The following DOCK8 variants were observed in gnomAD, a reference collection of about 807,000 sequenced individuals.
DOCK8 encodes the protein dedicator of cytokinesis protein 8.
Under a neutral mutation model 245.6 loss-of-function variants are expected in DOCK8, and 141 were observed. The observed-to-expected ratio is 0.57, with a 90% CI of 0.50 to 0.66. The LOEUF is 0.66. Among genes scored for constraint, DOCK8 ranks in the 30% least tolerant of loss-of-function variants. DOCK8 has a pLI of 0.00. For synonymous variants in DOCK8, 1,168 were observed against 970.2 expected (o/e 1.20, Z -3.79); for missense variants, 2,965 against 2,603.4 (o/e 1.14, Z -3.02).
chr9:458,192 T>C (rs2057700505), intron 46 of DOCK8: 1 of 152,278 alleles, frequency 6.6e-6, no homozygotes, highest in South Asian at 2.1e-4. Context: ...CTGGTTCTTT[T>C]CCAATCCTTT....
At chr9:422,235 T>G in intron 33 of DOCK8, 100 bp downstream of exon 33, 2 of 989,548 alleles carry the variant, frequency 2.0e-6, no homozygotes, top group Non-Finnish European at 1.6e-6. Context: ...TTCCAAGGGT[T>G]AGAAAATGAA....
chr9:433,742 C>T (rs2056798948), intron 37 of DOCK8, 133 bp from the exon 38 acceptor site: 4 of 748,776 alleles, frequency 5.3e-6, no homozygotes, highest in Non-Finnish European at 9.5e-6. Context: ...GTCTAGATGA[C>T]TCCGCCATCC....
At chr9:400,058 C>G (rs1276040222) in intron 26 of DOCK8, among the ~76,000 whole-genome samples, 4 of 108,676 alleles carry the variant, frequency 3.7e-5, no homozygotes, top group South Asian at 3.1e-4. Flanking sequence ...ACCATCACCA[C>G]CTCCTTCACC....
At chr9:339,561 C>A (rs928491307) in intron 13 of DOCK8, among the ~76,000 whole-genome samples, 1 of 152,170 alleles carries the variant, frequency 6.6e-6, no homozygotes, top group African/African-American at 2.4e-5. Flanking sequence ...TGTCACCAGG[C>A]TGGAGTGCAG....
chr9:323,376 A>G (rs2050610893), intron 7 of DOCK8, among the ~76,000 whole-genome samples: 1 of 151,706 alleles, frequency 6.6e-6, no homozygotes. Context: ...GGCACTTGCC[A>G]CCACGCTCGG....
At chr9:215,609 AT>A in intron 1 of DOCK8, 1 of 573,412 alleles carries the variant, frequency 1.7e-6, no homozygotes, top group Non-Finnish European at 2.7e-6. Flanking sequence ...GGAAAAAGTG[AT>A]TTTTTAAAAA....
chr9:232,309 T>G (rs967434274), intron 1 of DOCK8, among the ~76,000 whole-genome samples: 13 of 152,220 alleles, frequency 8.5e-5, no homozygotes, highest in Non-Finnish European at 1.8e-4. Flanking sequence ...AGTATTTTAT[T>G]GAGTATTTTT....
chr9:319,849 T>C, intron 7 of DOCK8, among the ~76,000 whole-genome samples: 1 of 152,250 alleles, frequency 6.6e-6, no homozygotes, highest in African/African-American at 2.4e-5. Flanking sequence ...AGAAATATTT[T>C]AAGATTTAAT....
At chr9:308,021 A>G (rs1195702176) in intron 5 of DOCK8, among the ~76,000 whole-genome samples, 1 of 152,200 alleles carries the variant, frequency 6.6e-6, no homozygotes, top group African/African-American at 2.4e-5. Context: ...TCATAGAAGT[A>G]GAGGGTAGAA....
intron 1 of DOCK8, among the ~76,000 whole-genome samples, chr9:238,544 C>T (rs1040868954): frequency 5.3e-5 from 8 of 152,202 alleles, no homozygotes; most frequent in Non-Finnish European, 1.2e-4. Flanking sequence ...GATTTCAGCT[C>T]ATTTACAAGC....
At chr9:314,791 C>T (rs939781424) in intron 6 of DOCK8, among the ~76,000 whole-genome samples, 13 of 147,256 alleles carry the variant, frequency 8.8e-5, no homozygotes, top group African/African-American at 2.1e-4. Flanking sequence ...CTGGTTTTTT[C>T]GATGACACAA....
In DOCK8 at chr9:258,084, A is replaced by G. The variant is rs139436934; in HGVS notation, c.54-13543A>G. Among the ~76,000 whole-genome samples, 676 of 146,140 alleles carry G rather than the reference A, an allele frequency of 4.6e-3. 5 individuals are homozygous for G. The highest frequency in any genetic ancestry group is 0.016 in the African/African-American group (648 of 39,892). On this transcript the variant is annotated intron_variant, in intron 1 of 47. Coordinates refer to ENST00000432829, the MANE Select transcript of DOCK8 (RefSeq NM_203447.4). ...CAAACAAAAACTTTCTCTCTCAGCC[A>G]CCTCCATAAGTTCCATAGTTTATTT...
At chr9:387,635 A>T (rs763242520) in intron 23 of DOCK8, among the ~76,000 whole-genome samples, 1 of 152,150 alleles carries the variant, frequency 6.6e-6, no homozygotes, top group Non-Finnish European at 1.5e-5. Flanking sequence ...GGTGCTGTGC[A>T]CTTTGCAGTA....
At chr9:422,290 A>G (rs2131651294) in intron 33 of DOCK8, among the ~76,000 whole-genome samples, 155 bp downstream of exon 33, 1 of 152,314 alleles carries the variant, frequency 6.6e-6, no homozygotes, top group African/African-American at 2.4e-5. Flanking sequence ...GACCCAGGAT[A>G]ATCAAAGGTA....
chr9:215,696 A>G (rs998385070), intron 1 of DOCK8: 3 of 334,084 alleles, frequency 9.0e-6, no homozygotes, highest in African/African-American at 6.4e-5. Context: ...GCAAAAAGCT[A>G]AGGACTGGGG....
chr9:343,344 A>C (rs2051705815), intron 14 of DOCK8, among the ~76,000 whole-genome samples: 1 of 152,008 alleles, frequency 6.6e-6, no homozygotes, highest in Admixed American at 6.6e-5. Flanking sequence ...ACATTTTAAA[A>C]ATTGCCCAGG....
chr9:274,669 A>G (rs79991769), intron 2 of DOCK8, among the ~76,000 whole-genome samples: 2 of 60,820 alleles, frequency 3.3e-5, no homozygotes, highest in South Asian at 1.4e-3. Flanking sequence ...CCTTTAAAAA[A>G]AAATTTCTTT....
chr9:400,184 C>CCAGCA (rs1586909443), intron 26 of DOCK8, among the ~76,000 whole-genome samples: 2 of 111,286 alleles, frequency 1.8e-5, no homozygotes, highest in East Asian at 2.5e-4. Flanking sequence ...ATCACCACCT[C>CCAGCA]CTTCACCATC....
chr9:426,763 C>T (rs745916274), intron 33 of DOCK8, 122 bp from the exon 34 acceptor site: 2 of 786,750 alleles, frequency 2.5e-6, no homozygotes, highest in Non-Finnish European at 4.4e-6. Context: ...GCCAGTTGCT[C>T]TGTTTTCATT....
Sources: allele counts gnomAD v4.1 joint callset (sites outside exome capture counted in the v4.1 genomes callset), GRCh38; gene constraint gnomAD v4.1.1; transcripts MANE v1.5; gene names NCBI Gene and HGNC (gene_info 2026-07-23, HGNC 2026-07-21).